Variants in DACH1 observed in about 807,000 individuals in gnomAD.
DACH1 encodes dachshund homolog 1.
In DACH1, 12 loss-of-function variants were observed where a neutral mutation model predicts 54.2. That is an observed-to-expected ratio of 0.22 (90% CI 0.14 to 0.36). DACH1 has a LOEUF of 0.36. Ranked by LOEUF, DACH1 falls within the 10% of genes least tolerant of loss-of-function variation. The pLI is 1.00. For missense variants in DACH1, 805 were observed against 929.8 expected, an observed-to-expected ratio of 0.87 and a Z score of 1.75; for synonymous variants, 386 against 366.2, an observed-to-expected ratio of 1.05 and a Z score of -0.62.
chr13:71,545,631 CTAAT>C (rs1883418243), intron 6 of DACH1, among the ~76,000 whole-genome samples: 1 of 151,564 alleles, frequency 6.6e-6, no homozygotes, highest in South Asian at 2.1e-4. Context: ...AAACATTCAA[CTAAT>C]TAATGATTGT....
chr13:71,479,420 C>A, intron 7 of DACH1, 104 bp from the exon 8 acceptor site: 17 of 1,149,408 alleles, frequency 1.5e-5, no homozygotes, highest in Non-Finnish European at 2.1e-5. Context: ...ATCAAATGAC[C>A]TAATTCTTTC....
intron 1 of DACH1, among the ~76,000 whole-genome samples, chr13:71,865,485 C>A (rs1320385077): frequency 6.6e-6 from 1 of 152,154 alleles, no homozygotes; most frequent in Non-Finnish European, 1.5e-5. Flanking sequence ...TCAGCCCTGT[C>A]GGTGCCGGGA....
At chr13:71,749,995 TC>T (rs1884848971) in intron 1 of DACH1, among the ~76,000 whole-genome samples, 2 of 152,200 alleles carry the variant, frequency 1.3e-5, no homozygotes, top group Admixed American at 1.3e-4. Flanking sequence ...TTTTATGCTT[TC>T]AAGCAACTAT....
intron 1 of DACH1, among the ~76,000 whole-genome samples, chr13:71,737,078 C>T (rs1884162692): frequency 6.6e-6 from 1 of 152,028 alleles, no homozygotes; most frequent in African/African-American, 2.4e-5. Flanking sequence ...TGGTGAAACC[C>T]CGTCTCTACT....
Position 71,583,968 on chromosome 13 carries a change from TAAATA to T in DACH1, c.1127-10961_1127-10957del, listed in dbSNP as rs531714569. On this transcript the variant is annotated intron_variant, in intron 3 of 10. Transcript: ENST00000613252. ...TTTTCTTTGTAATCTCAAACTGTCT[TAAATA>T]ATTTTAATATTTCCTCCAATGTTAA... Among the ~76,000 whole-genome samples the T allele has an allele frequency of 2.5e-3, 379 of 152,314 alleles. 3 individuals carry two copies. Among genetic ancestry groups the T allele is most frequent in the Middle Eastern group, 0.014 (4 of 294 alleles).
intron 3 of DACH1, among the ~76,000 whole-genome samples, chr13:71,615,728 G>A (rs1349251449): frequency 6.6e-6 from 1 of 152,114 alleles, no homozygotes; most frequent in Non-Finnish European, 1.5e-5. Context: ...TGAATGTTGA[G>A]GGCATGTAGA....
intron 1 of DACH1, among the ~76,000 whole-genome samples, chr13:71,828,689 C>A (rs1888473264): frequency 6.6e-6 from 1 of 151,780 alleles, no homozygotes; most frequent in Non-Finnish European, 1.5e-5. Flanking sequence ...TTAAGAAAAA[C>A]CCTGAGTTTG....
intron 2 of DACH1, among the ~76,000 whole-genome samples, chr13:71,679,136 G>GTGAT (rs1195646952): frequency 2.0e-5 from 3 of 152,182 alleles, no homozygotes; most frequent in African/African-American, 7.2e-5. Context: ...AGAAGGCACA[G>GTGAT]TGATTGAAAT....
intron 6 of DACH1, among the ~76,000 whole-genome samples, chr13:71,535,592 A>AT (rs559108560): frequency 4.0e-5 from 6 of 151,744 alleles, no homozygotes; most frequent in African/African-American, 1.4e-4. Context: ...AGTCAGGCGC[A>AT]TTTTTTTCCC....
At chr13:71,778,685 T>C (rs900787692) in intron 1 of DACH1, among the ~76,000 whole-genome samples, 2 of 152,136 alleles carry the variant, frequency 1.3e-5, no homozygotes, top group Non-Finnish European at 2.9e-5. Context: ...AATCATATGT[T>C]TTAAGCATAG....
intron 1 of DACH1, among the ~76,000 whole-genome samples, chr13:71,849,577 G>A (rs2138260262): frequency 6.6e-6 from 1 of 152,210 alleles, no homozygotes; most frequent in African/African-American, 2.4e-5. Flanking sequence ...CATTAGAGGT[G>A]GAATCATTAT....
chr13:71,497,354 T>A (rs185414466), intron 6 of DACH1, among the ~76,000 whole-genome samples: 87 of 152,006 alleles, frequency 5.7e-4, no homozygotes, highest in Admixed American at 7.9e-4. Context: ...TTTTTGAGAC[T>A]GAGTTTCGCT....
At chr13:71,456,438 T>C (rs1875569817) in intron 10 of DACH1, among the ~76,000 whole-genome samples, 1 of 152,032 alleles carries the variant, frequency 6.6e-6, no homozygotes, top group Non-Finnish European at 1.5e-5. Context: ...ATGAATAAAA[T>C]TAACTTATGT....
chr13:71,564,690 A>G (rs1884798827), intron 4 of DACH1, among the ~76,000 whole-genome samples: 2 of 152,254 alleles, frequency 1.3e-5, no homozygotes, highest in Admixed American at 6.5e-5. Flanking sequence ...TAAAAATTTC[A>G]TTATCTCAGT....
intron 1 of DACH1, among the ~76,000 whole-genome samples, chr13:71,828,318 G>C (rs919713580): frequency 6.6e-6 from 1 of 151,918 alleles, no homozygotes; most frequent in Admixed American, 6.6e-5. Context: ...AAAGGCTCGG[G>C]ACAGAGTGAT....
At chr13:71,656,473 T>C (rs1879095448) in intron 2 of DACH1, among the ~76,000 whole-genome samples, 1 of 152,142 alleles carries the variant, frequency 6.6e-6, no homozygotes, top group African/African-American at 2.4e-5. Context: ...CTGCATTTTA[T>C]GGCCACCAGT....
chr13:71,568,212 T>G (rs756647032), intron 4 of DACH1, among the ~76,000 whole-genome samples: 10 of 152,018 alleles, frequency 6.6e-5, no homozygotes, highest in Non-Finnish European at 1.5e-4. Flanking sequence ...TAAAAATTCC[T>G]AACACAAATA....
intron 1 of DACH1, among the ~76,000 whole-genome samples, chr13:71,852,047 T>C (rs1275848477): frequency 2.0e-5 from 3 of 152,172 alleles, no homozygotes; most frequent in African/African-American, 4.8e-5. Context: ...GGAAGCTCTC[T>C]GGCCAATAGG....
At chr13:71,765,899 T>G (rs942388966) in intron 1 of DACH1, among the ~76,000 whole-genome samples, 9 of 150,484 alleles carry the variant, frequency 6.0e-5, no homozygotes, top group African/African-American at 2.2e-4. Flanking sequence ...TTTTTTTTTT[T>G]TTTTTGAGAC....
Sources: gnomAD v4.1 joint callset for allele counts (sites outside exome capture counted in the v4.1 genomes callset) on GRCh38, gnomAD v4.1.1 for gene constraint, MANE v1.5 for transcripts, NCBI Gene and HGNC (gene_info 2026-07-23, HGNC 2026-07-21) for gene names.